The following RNLS variants were observed in gnomAD, a reference collection of about 807,000 sequenced individuals.
RNLS encodes the protein renalase.
Under a neutral mutation model 39.8 loss-of-function variants are expected in RNLS, and 39 were observed. The observed-to-expected ratio is 0.98, with a 90% CI of 0.76 to 1.28. The LOEUF (loss-of-function observed/expected upper bound fraction) is 1.28, where lower values mean the gene tolerates loss of function less well. RNLS is among the 50% of genes most tolerant of loss of function. The pLI, the probability that RNLS is intolerant of heterozygous loss-of-function variation, is 0.00. For synonymous variants in RNLS, 147 were observed against 150.7 expected, an observed-to-expected ratio of 0.98 and a Z score of 0.18; for missense variants, 410 against 413.3, an observed-to-expected ratio of 0.99 and a Z score of 0.07.
chr10:88,329,075 T>C (rs1008995983), intron 5 of RNLS, among the ~76,000 whole-genome samples: 16 of 151,956 alleles, frequency 1.1e-4, no homozygotes, highest in Admixed American at 6.6e-5. Flanking sequence ...TCAAGTGTTT[T>C]TTGTTTTTCT....
chr10:88,461,395 C>T (rs1041150312), intron 4 of RNLS, among the ~76,000 whole-genome samples: 1 of 152,094 alleles, frequency 6.6e-6, no homozygotes, highest in Non-Finnish European at 1.5e-5. Flanking sequence ...AAATTTAAAG[C>T]AAGCAGGCTT....
intron 4 of RNLS, among the ~76,000 whole-genome samples, chr10:88,553,797 A>T (rs1195409273): frequency 6.6e-6 from 1 of 152,192 alleles, no homozygotes; most frequent in African/African-American, 2.4e-5. Flanking sequence ...CTAAAGAAAC[A>T]TATACCCACC....
At chr10:88,413,055 G>A (rs1040782832) in intron 4 of RNLS, among the ~76,000 whole-genome samples, 1 of 152,186 alleles carries the variant, frequency 6.6e-6, no homozygotes, top group African/African-American at 2.4e-5. Context: ...GGGAGAGAAT[G>A]TCAGTAACAG....
chr10:88,402,079 A>G (rs1852956774), intron 4 of RNLS, among the ~76,000 whole-genome samples: 2 of 152,004 alleles, frequency 1.3e-5, no homozygotes, highest in Admixed American at 1.3e-4. Flanking sequence ...GAGCAGGGAA[A>G]GCACATTTCA....
At chr10:88,202,550 AGCCAGGGTCCT>A in the RNLS span, among the ~76,000 whole-genome samples, 4 of 152,298 alleles carry the variant, frequency 2.6e-5, no homozygotes, top group African/African-American at 9.6e-5. Context: ...CAGCCCTGGT[AGCCAGGGTCCT>A]TCCTTTGTCC....
chr10:88,237,240 C>CCCTTCCTT, the RNLS span, among the ~76,000 whole-genome samples: 1 of 132,486 alleles, frequency 7.5e-6, no homozygotes, highest in Non-Finnish European at 1.6e-5. Context: ...CTCCCTCCCT[C>CCCTTCCTT]CCTTCCTTCC....
chr10:88,402,877 C>T (rs751408028), intron 4 of RNLS, among the ~76,000 whole-genome samples: 1 of 151,782 alleles, frequency 6.6e-6, no homozygotes, highest in South Asian at 2.1e-4. Flanking sequence ...AACATTCTAG[C>T]GAATAAAGTA....
At chr10:88,446,488 G>A (rs1409406250) in intron 4 of RNLS, among the ~76,000 whole-genome samples, 2 of 152,060 alleles carry the variant, frequency 1.3e-5, no homozygotes, top group Non-Finnish European at 2.9e-5. Flanking sequence ...AGGAGATAGA[G>A]ACACAAAAAA....
chr10:88,327,029 T>C (rs1016222309), intron 5 of RNLS, among the ~76,000 whole-genome samples: 1 of 152,194 alleles, frequency 6.6e-6, no homozygotes, highest in Non-Finnish European at 1.5e-5. Flanking sequence ...AATGGGAGCA[T>C]TTATCCAATG....
chr10:88,556,248 C>G (rs1564897066), intron 4 of RNLS, among the ~76,000 whole-genome samples: 1 of 152,278 alleles, frequency 6.6e-6, no homozygotes, highest in African/African-American at 2.4e-5. Context: ...GGCAGCCATA[C>G]TTTTGAAATC....
At chr10:88,490,968 T>C (rs1287774194) in intron 4 of RNLS, among the ~76,000 whole-genome samples, 3 of 152,242 alleles carry the variant, frequency 2.0e-5, no homozygotes, top group Non-Finnish European at 2.9e-5. Flanking sequence ...TTTATCTTCA[T>C]AGTATTCTTA....
chr10:88,230,067 T>G, the RNLS span, among the ~76,000 whole-genome samples: 1 of 152,102 alleles, frequency 6.6e-6, no homozygotes. Flanking sequence ...CTTGGAGAAA[T>G]GGAGTTGTCT....
intron 4 of RNLS, among the ~76,000 whole-genome samples, chr10:88,414,720 T>C (rs983250717): frequency 6.6e-6 from 1 of 152,198 alleles, no homozygotes; most frequent in Non-Finnish European, 1.5e-5. Flanking sequence ...GAAAATTTTC[T>C]TGCTCCAGAA....
At chr10:88,467,042 T>C (rs533840599) in intron 4 of RNLS, among the ~76,000 whole-genome samples, 3 of 152,254 alleles carry the variant, frequency 2.0e-5, no homozygotes, top group African/African-American at 7.2e-5. Flanking sequence ...CGAGAGTTAA[T>C]TACAGTGGAC....
At chr10:88,255,717 A>G in the RNLS span, among the ~76,000 whole-genome samples, 5 of 152,228 alleles carry the variant, frequency 3.3e-5, no homozygotes, top group Non-Finnish European at 7.3e-5. Context: ...CAAGGGCACC[A>G]TGATTTTGGG....
intron 4 of RNLS, among the ~76,000 whole-genome samples, chr10:88,473,911 T>C (rs1020024681): frequency 1.3e-5 from 2 of 152,134 alleles, no homozygotes; most frequent in Non-Finnish European, 2.9e-5. Context: ...TCTTTTCTGC[T>C]CCTGGTTGTC....
intron 6 of RNLS, among the ~76,000 whole-genome samples, chr10:88,307,628 G>A (rs1200036728): frequency 6.6e-6 from 1 of 152,076 alleles, no homozygotes; most frequent in African/African-American, 2.4e-5. Flanking sequence ...CCAGGGAGGT[G>A]GAAGATCTCT....
chr10:88,405,334 G>A lies in RNLS; in HGVS notation c.527-42609C>T, dbSNP rs796931397. Among the ~76,000 whole-genome samples, 8 of 151,902 alleles carry A rather than the reference G, an allele frequency of 5.3e-5. 1 individual carries two copies. Among genetic ancestry groups the A allele is most frequent in the African/African-American group, 1.4e-4 (6 of 41,466 alleles). On this transcript the variant is annotated intron_variant, in intron 4 of 6. Coordinates refer to ENST00000331772, the MANE Select transcript of RNLS (RefSeq NM_001031709.3). ...CTGAACTATCATAATTATCAACATC[G>A]TTTCTTAGGTCTATCAGCAATTGTT...
chr10:88,495,418 T>C (rs945134074), intron 4 of RNLS, among the ~76,000 whole-genome samples: 6 of 152,142 alleles, frequency 3.9e-5, no homozygotes, highest in African/African-American at 1.2e-4. Context: ...ATAACTCTTA[T>C]GGCAAATGGT....
Sources: gnomAD v4.1 joint callset for allele counts (sites outside exome capture counted in the v4.1 genomes callset) on GRCh38, gnomAD v4.1.1 for gene constraint, MANE v1.5 for transcripts, NCBI Gene and HGNC (gene_info 2026-07-23, HGNC 2026-07-21) for gene names.